Variants in PTK2 observed in about 807,000 individuals in gnomAD.
PTK2 encodes protein tyrosine kinase 2, also known as focal adhesion kinase 1.
A neutral mutation model predicts 150.1 loss-of-function variants in PTK2; 45 were observed. The observed-to-expected ratio is 0.30, with a 90% CI of 0.24 to 0.38. The LOEUF is 0.38. PTK2 is among the 10% of genes least tolerant of loss of function. The pLI is 1.00. For synonymous variants in PTK2, 432 were observed against 449.2 expected (o/e 0.96, Z 0.48); for missense variants, 919 against 1,307.3 (o/e 0.70, Z 4.58).
At position 140,923,324 on chromosome 8, in the gene PTK2, A is replaced by G. The variant is rs535981274; in HGVS notation, c.-33+2337T>C. ...GGTGATACTGCTAATAATAACCTAT[A>G]CCTTTTATCAAGCAACTATAGCTGT... On this transcript the variant is annotated intron_variant, in intron 2 of 31. Transcript: ENST00000522684. Among the ~76,000 whole-genome samples the G allele has an allele frequency of 3.0e-4, 45 of 152,288 alleles. No homozygotes were observed. The South Asian group carries it at 9.1e-3, about 31-fold the overall frequency.
At chr8:140,842,523 T>G (rs559868661) in intron 7 of PTK2, among the ~76,000 whole-genome samples, 1 of 152,104 alleles carries the variant, frequency 6.6e-6, no homozygotes, top group Non-Finnish European at 1.5e-5. Context: ...TAGGTAGGTA[T>G]CACCATTATC....
At chr8:140,942,412 C>A (rs1257523603) in intron 1 of PTK2, among the ~76,000 whole-genome samples, 1 of 152,120 alleles carries the variant, frequency 6.6e-6, no homozygotes, top group Non-Finnish European at 1.5e-5. Context: ...AATTATATGA[C>A]CTTTATAATA....
intron 2 of PTK2, among the ~76,000 whole-genome samples, chr8:140,904,384 CTGGAT>C (rs1302755054): frequency 6.6e-6 from 1 of 152,182 alleles, no homozygotes; most frequent in Non-Finnish European, 1.5e-5. Context: ...TCATGTGCTG[CTGGAT>C]TGGGTTTGCC....
At chr8:140,872,563 C>G (rs2154606844) in intron 4 of PTK2, among the ~76,000 whole-genome samples, 1 of 152,306 alleles carries the variant, frequency 6.6e-6, no homozygotes, top group South Asian at 2.1e-4. Flanking sequence ...GCGCTGGGGA[C>G]AGGCTGGGGT....
chr8:140,730,215 C>T (rs2100048383), intron 22 of PTK2, among the ~76,000 whole-genome samples: 3 of 152,180 alleles, frequency 2.0e-5, no homozygotes, highest in African/African-American at 7.2e-5. Context: ...TCTGTTTACA[C>T]AACACTTACT....
chr8:140,669,639 C>G (rs2094517792), intron 29 of PTK2, 88 bp downstream of exon 33: 1 of 1,451,358 alleles, frequency 6.9e-7, no homozygotes, highest in East Asian at 2.5e-5. Context: ...CCCACTTGGG[C>G]TTCCTGCTTT....
At chr8:140,666,103 C>T (rs760212970) in intron 30 of PTK2, among the ~76,000 whole-genome samples, 3 of 152,074 alleles carry the variant, frequency 2.0e-5, no homozygotes, top group African/African-American at 2.4e-5. Context: ...TTTGGGAGGC[C>T]GAGGCAGGCA....
intron 14 of PTK2, among the ~76,000 whole-genome samples, chr8:140,787,500 A>G (rs551571686): frequency 6.6e-6 from 1 of 152,356 alleles, no homozygotes; most frequent in South Asian, 2.1e-4. Context: ...CACTGAGATC[A>G]TAAAGTGGGG....
chr8:140,681,193 C>G (rs568451466), intron 27 of PTK2, among the ~76,000 whole-genome samples: 1 of 151,116 alleles, frequency 6.6e-6, no homozygotes, highest in African/African-American at 2.4e-5. Context: ...GGTGAAACCC[C>G]GTCTCTACTA....
At chr8:140,715,007 C>T (rs1033543182) in intron 23 of PTK2, among the ~76,000 whole-genome samples, 3 of 151,546 alleles carry the variant, frequency 2.0e-5, no homozygotes, top group Admixed American at 1.3e-4. Context: ...TTGATTCTAA[C>T]GATGGACACT....
chr8:140,985,270 T>C (rs772711792), intron 1 of PTK2, among the ~76,000 whole-genome samples: 11 of 152,036 alleles, frequency 7.2e-5, no homozygotes, highest in Non-Finnish European at 1.3e-4. Context: ...ACTACAGGTA[T>C]GCACCACCAT....
At chr8:140,958,395 G>T (rs1463964671) in intron 1 of PTK2, among the ~76,000 whole-genome samples, 1 of 152,094 alleles carries the variant, frequency 6.6e-6, no homozygotes, top group African/African-American at 2.4e-5. Context: ...TCCTCCTGCT[G>T]TGGCCTCCCA....
intron 14 of PTK2, among the ~76,000 whole-genome samples, chr8:140,767,514 C>G (rs2100073017): frequency 6.6e-6 from 1 of 151,924 alleles, no homozygotes; most frequent in Non-Finnish European, 1.5e-5. Context: ...AAGACAGGTT[C>G]TTGCTCTGTC....
intron 10 of PTK2, among the ~76,000 whole-genome samples, chr8:140,811,484 TAAC>T (rs1266274408): frequency 1.3e-5 from 2 of 152,186 alleles, no homozygotes; most frequent in South Asian, 2.1e-4. Context: ...GCAAGAAATC[TAAC>T]AACTCAAAAA....
intron 7 of PTK2, among the ~76,000 whole-genome samples, chr8:140,838,716 A>T (rs533703816): frequency 1.3e-5 from 2 of 152,206 alleles, no homozygotes; most frequent in East Asian, 3.9e-4. Context: ...TACATATTAA[A>T]AACTTCTAGG....
At chr8:140,859,586 G>GT (rs2100134837) in intron 5 of PTK2, among the ~76,000 whole-genome samples, 1 of 152,072 alleles carries the variant, frequency 6.6e-6, no homozygotes, top group Non-Finnish European at 1.5e-5. Flanking sequence ...TAGAGAATGC[G>GT]TATCATCAAA....
intron 5 of PTK2, among the ~76,000 whole-genome samples, chr8:140,856,582 G>A (rs139724744): frequency 1.3e-5 from 2 of 152,176 alleles, no homozygotes; most frequent in East Asian, 1.9e-4. Flanking sequence ...ACTAAACTAC[G>A]GTGGGAAAAA....
At chr8:140,710,898 A>G (rs1388349944) in intron 23 of PTK2, among the ~76,000 whole-genome samples, 1 of 151,398 alleles carries the variant, frequency 6.6e-6, no homozygotes, top group Non-Finnish European at 1.5e-5. Context: ...GGCAATGAGA[A>G]GGACAGGCCT....
intron 2 of PTK2, among the ~76,000 whole-genome samples, chr8:140,901,247 TC>T (rs2100158323): frequency 6.8e-6 from 1 of 147,810 alleles, no homozygotes; most frequent in Non-Finnish European, 1.5e-5. Context: ...TCTCTCTCTC[TC>T]ACCATACACA....
Sources: allele counts gnomAD v4.1 joint callset (sites outside exome capture counted in the v4.1 genomes callset), GRCh38; gene constraint gnomAD v4.1.1; transcripts MANE v1.5; gene names NCBI Gene and HGNC (gene_info 2026-07-23, HGNC 2026-07-21).